The following KIAA2012 variants were observed in gnomAD, a reference collection of about 807,000 sequenced individuals.
The protein encoded by KIAA2012 is uncharacterized protein KIAA2012.
In KIAA2012, 125 loss-of-function variants were observed where a neutral mutation model predicts 150.6. The observed-to-expected ratio is 0.83, with a 90% CI of 0.72 to 0.96. The LOEUF (loss-of-function observed/expected upper bound fraction) is 0.96. Ranked by LOEUF, KIAA2012 falls within the 40% of genes least tolerant of loss-of-function variation. KIAA2012 has a pLI of 0.00. For synonymous variants in KIAA2012, 462 were observed against 504.7 expected, an observed-to-expected ratio of 0.92 and a Z score of 1.13; for missense variants, 1,219 against 1,354.9, an observed-to-expected ratio of 0.90 and a Z score of 1.57.
chr2:202,190,424 C>A lies in KIAA2012; in HGVS notation c.2742C>A (p.Pro914=). The change falls in exon 19 of 24, where the codon CCC becomes CCA. Residue 914 remains proline, a synonymous_variant. Transcript: ENST00000498697. The part of the protein sequence containing the change: ...SQVSLDGRSS[P]SQIATVTGNM... ...TTTCTCTAGATGGAAGATCATCACCCTCTCAGATTGCAACTGTCACTGGCA... is the reference window on the plus strand; with the variant it reads ...TTTCTCTAGATGGAAGATCATCACCATCTCAGATTGCAACTGTCACTGGCA... 1 of 1,549,818 alleles carries A rather than the reference C, an allele frequency of 6.5e-7. No individual in the cohort carries two copies. Among genetic ancestry groups the A allele is most frequent in the South Asian group, 1.2e-5 (1 of 83,908 alleles).
At chr2:202,076,383 A>G (rs1689324420) in intron 2 of KIAA2012, among the ~76,000 whole-genome samples, 1 of 152,140 alleles carries the variant, frequency 6.6e-6, no homozygotes, top group South Asian at 2.1e-4. Flanking sequence ...TGGACAATTT[A>G]TCACCTACCC....
rs192815939 is a variant in KIAA2012, at chr2:202,084,460, C to A, written c.370-6310C>A. Among the ~76,000 whole-genome samples, 2 of 152,288 alleles carry A rather than the reference C, an allele frequency of 1.3e-5. 1 individual carries two copies. The highest frequency in any genetic ancestry group is 1.3e-4 in the Admixed American group (2 of 15,300). On this transcript the variant is annotated intron_variant, in intron 2 of 23. Coordinates refer to ENST00000498697, the MANE Select transcript of KIAA2012 (RefSeq NM_001277372.4). ...AGGCAACTGGCCAGAGCAAGTCCCT[C>A]GTTAAAGGAAGCACTCATGGTGGAA... is the stretch of plus-strand genomic sequence containing the variant.
chr2:202,131,846 A>C (rs978005553), intron 12 of KIAA2012, among the ~76,000 whole-genome samples: 4 of 152,168 alleles, frequency 2.6e-5, no homozygotes, highest in African/African-American at 9.7e-5. Context: ...TGCACCTTGC[A>C]AAGGAGGCAG....
At chr2:202,135,303 T>C (rs1221769059) in intron 12 of KIAA2012, among the ~76,000 whole-genome samples, 1 of 152,248 alleles carries the variant, frequency 6.6e-6, no homozygotes, top group African/African-American at 2.4e-5. Flanking sequence ...GTATAACCTG[T>C]ATACACTGTA....
At chr2:202,092,924 A>G (rs1689763043) in intron 3 of KIAA2012, 106 bp from the exon 4 acceptor site, 1 of 932,804 alleles carries the variant, frequency 1.1e-6, no homozygotes, top group Non-Finnish European at 1.6e-6. Flanking sequence ...CTAATGGGCA[A>G]TGTCCAAAGC....
chr2:202,196,186 CT>C (rs869092899), intron 21 of KIAA2012, among the ~76,000 whole-genome samples: 203 of 79,676 alleles, frequency 2.5e-3, no homozygotes, highest in Middle Eastern at 8.8e-3. Flanking sequence ...CTTTTCTTTT[CT>C]TTTTTTTTTT....
At chr2:202,109,833 T>A (rs1575016649) in intron 10 of KIAA2012, 44 bp downstream of exon 10, 1 of 1,472,666 alleles carries the variant, frequency 6.8e-7, no homozygotes, top group African/African-American at 1.4e-5. Flanking sequence ...CTGGCTTGAA[T>A]GTGGCTCATT....
In KIAA2012 at chr2:202,099,710, G is replaced by T. The variant is rs111759142; in HGVS notation, c.926G>T (p.Arg309Leu). The change falls in exon 6 of 24, where the codon CGC becomes CTC. Residue 309 changes from arginine (R) to leucine (L), a missense_variant. Physicochemically the swap from Arg to Leu is moderately radical, Grantham distance 102. Coordinates refer to ENST00000498697, the MANE Select transcript of KIAA2012 (RefSeq NM_001277372.4). ...TCCAGGAAGGCCTTTGGGCATGGCC[G>T]CATCGATCACTCTTGGCTCCCAAGT... ...QTSRKAFGHG[R>L]IDHSWLPSDK... 29 of 1,550,422 alleles carry T rather than the reference G, an allele frequency of 1.9e-5. No homozygotes were observed. The highest frequency in any genetic ancestry group is 2.4e-5 in the South Asian group (2 of 84,052).
intron 13 of KIAA2012, among the ~76,000 whole-genome samples, chr2:202,151,727 G>A (rs530619652): frequency 6.6e-6 from 1 of 152,166 alleles, no homozygotes; most frequent in East Asian, 1.9e-4. Flanking sequence ...CCAAGCACGT[G>A]ACTTTCATTT....
rs975811378 is a variant in KIAA2012, at chr2:202,104,805, G to A, written c.1325-956G>A. Among the ~76,000 whole-genome samples, 13 of 152,162 alleles carry A rather than the reference G, an allele frequency of 8.5e-5. No individual in the cohort carries two copies. Among genetic ancestry groups the A allele is most frequent in the African/African-American group, 2.7e-4 (11 of 41,420 alleles). On this transcript the variant is annotated intron_variant, in intron 8 of 23. Transcript: ENST00000498697. The surrounding 1 kb of genome is among the most constrained non-coding windows in gnomAD (Gnocchi z 4.3). ...TGGCCAGCCCTGGGAGGGACAGTCA[G>A]GTCCCAGACATCAAAACATCAGAAT... is the stretch of plus-strand genomic sequence containing the variant.
chr2:202,139,931 C>T (rs1014268628), intron 13 of KIAA2012, among the ~76,000 whole-genome samples: 1 of 152,154 alleles, frequency 6.6e-6, no homozygotes, highest in Non-Finnish European at 1.5e-5. Context: ...CTATCACCTG[C>T]AATGAAAGAG....
rs1179327998 is a variant in KIAA2012, at chr2:202,100,981, GTCTT to G, written c.1155+538_1155+541del. Among the ~76,000 whole-genome samples, 4 of 152,268 alleles carry G rather than the reference GTCTT, an allele frequency of 2.6e-5. No homozygotes were observed. In the East Asian group the frequency reaches 7.7e-4, roughly 29 times the overall value. ...GGTCCTGCCTTGCAGTTCTATGTGG[GTCTT>G]TCTTTGGTGTTTGGAGGCACCAGTG... On this transcript the variant is annotated intron_variant, in intron 7 of 23. Coordinates refer to ENST00000498697, the MANE Select transcript of KIAA2012 (RefSeq NM_001277372.4).
Position 202,097,221 on chromosome 2 carries a change from A to G in KIAA2012, c.686-214A>G, listed in dbSNP as rs191666969. ...TCCAAGAAGTGAAGACTCAACCCTG[A>G]GCCTCCTGACTGCCAGTGCAGCTCT... On this transcript the variant is annotated intron_variant, in intron 4 of 23. Coordinates refer to ENST00000498697, the MANE Select transcript of KIAA2012 (RefSeq NM_001277372.4). Among the ~76,000 whole-genome samples, 310 of 152,336 alleles carry G rather than the reference A, an allele frequency of 2.0e-3. 1 individual carries two copies. Among genetic ancestry groups the G allele is most frequent in the Non-Finnish European group, 3.4e-3 (234 of 68,028 alleles).
Position 202,190,255 on chromosome 2 carries a change from ATCT to A in KIAA2012, c.2574_2576del (p.Asn858_Leu859delinsLys). ...AGGAAAAGGACACAGAAGGAAAGAA[ATCT>A]GGAGATAGCGGCAGAGCTGAGCGGG... On this transcript the variant is annotated inframe_deletion, in exon 19 of 24. Coordinates refer to ENST00000498697, the MANE Select transcript of KIAA2012 (RefSeq NM_001277372.4). 1 of 1,549,924 alleles carries A rather than the reference ATCT, an allele frequency of 6.5e-7. No homozygotes were observed. The highest frequency in any genetic ancestry group is 8.7e-7 in the Non-Finnish European group (1 of 1,146,844).
At position 202,160,602 on chromosome 2, in the gene KIAA2012, C is replaced by T. The variant is rs548559637; in HGVS notation, c.2047-4682C>T. Among the ~76,000 whole-genome samples the T allele has an allele frequency of 4.6e-5, 7 of 152,250 alleles. No homozygotes were observed. The East Asian group carries it at 5.8e-4, about 13-fold the overall frequency. ...TGCTGGGATTACAGGCGTGAGCCACCACGCCCGGCCAAAATCATAGTCTTT... is the reference window on the plus strand; with the variant it reads ...TGCTGGGATTACAGGCGTGAGCCACTACGCCCGGCCAAAATCATAGTCTTT... On this transcript the variant is annotated intron_variant, in intron 14 of 23. Transcript: ENST00000498697.
At chr2:202,109,931 G>C in intron 10 of KIAA2012, 142 bp downstream of exon 10, 1 of 750,514 alleles carries the variant, frequency 1.3e-6, no homozygotes, top group African/African-American at 1.8e-5. Context: ...GATGATGTCA[G>C]TGGGATTAAT....
At chr2:202,178,135 G>A (rs1692035416) in intron 15 of KIAA2012, among the ~76,000 whole-genome samples, 1 of 152,130 alleles carries the variant, frequency 6.6e-6, no homozygotes, top group South Asian at 2.1e-4. Flanking sequence ...GGAGGTGGAG[G>A]TTGCAGTGAG....
Position 202,103,773 on chromosome 2 carries a change from G to T in KIAA2012, c.1324+659G>T, listed in dbSNP as rs530595505. Among the ~76,000 whole-genome samples the T allele has an allele frequency of 5.9e-5, 9 of 152,352 alleles. No individual in the cohort carries two copies. In the Middle Eastern group the frequency reaches 0.014, roughly 230 times the overall value. On this transcript the variant is annotated intron_variant, in intron 8 of 23. Transcript: ENST00000498697. ...GTTCTAAGAGAATATGAGCAAAGGAGTTCAATTCCAACTGGCGACGTGGGC... is the reference window on the plus strand; with the variant it reads ...GTTCTAAGAGAATATGAGCAAAGGATTTCAATTCCAACTGGCGACGTGGGC...
intron 15 of KIAA2012, among the ~76,000 whole-genome samples, chr2:202,178,064 T>G (rs1361841148): frequency 6.6e-6 from 1 of 152,150 alleles, no homozygotes; most frequent in Non-Finnish European, 1.5e-5. Context: ...CTGAGCATGG[T>G]GGCGTACACC....
Sources: allele counts gnomAD v4.1 joint callset (sites outside exome capture counted in the v4.1 genomes callset), GRCh38; gene constraint gnomAD v4.1.1; non-coding constraint Gnocchi (gnomAD v3.1); transcripts MANE v1.5; gene names NCBI Gene and HGNC (gene_info 2026-07-23, HGNC 2026-07-21).